The following MAEA variants were observed in gnomAD, a reference collection of about 807,000 sequenced individuals.
MAEA encodes E3 ubiquitin-protein transferase MAEA.
In MAEA, 22 loss-of-function variants were observed where a neutral mutation model predicts 46.2. The observed-to-expected ratio is 0.48, with a 90% confidence interval of 0.34 to 0.68. The LOEUF is 0.68. Ranked by LOEUF, MAEA falls within the 30% of genes least tolerant of loss-of-function variation. The probability of loss-of-function intolerance (pLI) is 0.01; values close to 1 mark genes in which losing one functional copy is unlikely to be tolerated. For synonymous variants in MAEA, 246 were observed against 222.6 expected, an observed-to-expected ratio of 1.11 and a Z score of -0.94; for missense variants, 393 against 558.1, an observed-to-expected ratio of 0.70 and a Z score of 2.98.
chr4:1,298,682 G>C (rs1046758456), intron 1 of MAEA, among the ~76,000 whole-genome samples: 1 of 152,032 alleles, frequency 6.6e-6, no homozygotes, highest in African/African-American at 2.4e-5. Context: ...GTTTCCCCCC[G>C]GGCTCAGTCC....
chr4:1,334,733 G>C, intron 6 of MAEA: 1 of 333,380 alleles, frequency 3.0e-6, no homozygotes, highest in Non-Finnish European at 4.3e-6. Flanking sequence ...GTTGCCATGG[G>C]TCAGGCAAGA....
At chr4:1,327,582 C>T in intron 4 of MAEA, 45 bp from the exon 5 acceptor site, 2 of 1,463,538 alleles carry the variant, frequency 1.4e-6, no homozygotes, top group Non-Finnish European at 1.9e-6. Context: ...CACCTGGGCT[C>T]TGTGGGATGT....
At chr4:1,296,392 G>A (rs66879211) in intron 1 of MAEA, among the ~76,000 whole-genome samples, 11 of 75,908 alleles carry the variant, frequency 1.4e-4, no homozygotes, top group Non-Finnish European at 2.6e-4. Context: ...CTGTGCAGCC[G>A]TCACCCATGC....
intron 4 of MAEA, among the ~76,000 whole-genome samples, chr4:1,325,713 C>T (rs371967310): frequency 5.3e-5 from 8 of 152,112 alleles, no homozygotes; most frequent in African/African-American, 1.9e-4. Context: ...TCCCGCTGGC[C>T]CTTCCCTTCC....
At chr4:1,329,533 C>T in intron 5 of MAEA, 1 of 985,174 alleles carries the variant, frequency 1.0e-6, no homozygotes, top group Non-Finnish European at 1.2e-6. Flanking sequence ...GCCGGGCAGG[C>T]ATGGCAAACA....
intron 1 of MAEA, among the ~76,000 whole-genome samples, chr4:1,292,601 C>T (rs1318677901): frequency 6.6e-5 from 10 of 152,120 alleles, no homozygotes; most frequent in African/African-American, 2.4e-4. Context: ...TAGCAGCATC[C>T]CTGGTGTCTG....
intron 1 of MAEA, among the ~76,000 whole-genome samples, chr4:1,294,246 T>G (rs1009433833): frequency 2.0e-5 from 3 of 152,360 alleles, no homozygotes; most frequent in Admixed American, 6.5e-5. Context: ...CACCGTTTGC[T>G]GGTGGTTTGG....
rs758018298 is a variant in MAEA at position 1,338,624 on chromosome 4, GGGGCA to G, written c.1095+16_1095+20del. 2 of 1,596,506 alleles carry G rather than the reference GGGGCA, an allele frequency of 1.3e-6. No individual in the cohort carries two copies. Among genetic ancestry groups the G allele is most frequent in the East Asian group, 2.3e-5 (1 of 43,750 alleles). On this transcript the variant is annotated splice_region_variant and intron_variant, in intron 8 of 8. Coordinates refer to ENST00000303400, the MANE Select transcript of MAEA (RefSeq NM_001017405.3). Reference sequence around the variant, plus strand: ...CTACGTCTACGGCTACAATGTGAGGGGGGCAGGGCAGGGGGGCCAGGCTGGCACGC... The same window carrying G: ...CTACGTCTACGGCTACAATGTGAGGGGGGCAGGGGGGCCAGGCTGGCACGC...
intron 4 of MAEA, chr4:1,323,673 C>T: frequency 5.7e-6 from 4 of 697,644 alleles, no homozygotes; most frequent in Non-Finnish European, 1.0e-5. Flanking sequence ...AGCCGGCACA[C>T]ACCTCACAGT....
chr4:1,316,165 C>T (rs979456586), intron 3 of MAEA, among the ~76,000 whole-genome samples: 10 of 152,112 alleles, frequency 6.6e-5, no homozygotes, highest in African/African-American at 1.7e-4. Context: ...TTATCTCAGG[C>T]GGGGTGCGTT....
intron 6 of MAEA, among the ~76,000 whole-genome samples, chr4:1,334,457 CAG>C: frequency 6.6e-6 from 1 of 152,188 alleles, no homozygotes. Context: ...CGAGGATCTT[CAG>C]GGGTGGGGTC....
intron 1 of MAEA, among the ~76,000 whole-genome samples, chr4:1,293,873 G>A (rs1270195448): frequency 2.0e-5 from 3 of 152,260 alleles, no homozygotes; most frequent in South Asian, 4.1e-4. Context: ...GTGGTAGGGA[G>A]TTCGGGTGCC....
intron 1 of MAEA, among the ~76,000 whole-genome samples, chr4:1,291,678 T>C (rs1734123807): frequency 6.6e-6 from 1 of 152,212 alleles, no homozygotes; most frequent in South Asian, 2.1e-4. Flanking sequence ...AAACACTAGA[T>C]AGGAAAAGTT....
intron 1 of MAEA, among the ~76,000 whole-genome samples, chr4:1,301,780 A>G (rs1281607719): frequency 1.3e-5 from 2 of 152,254 alleles, no homozygotes; most frequent in Admixed American, 1.3e-4. Flanking sequence ...TAGAAGGAAA[A>G]AAGTGTTAGG....
Position 1,311,786 on chromosome 4 carries a change from T to C in MAEA, c.70-193T>C, listed in dbSNP as rs998801168. The stretch of plus-strand genomic sequence containing the variant: ...TGGGGTTGCTTCTCATCCAGGGATG[T>C]GGAGTGGCTCTCCGTTCAGCAGGGC... On this transcript the variant is annotated intron_variant, in intron 1 of 8. Coordinates refer to ENST00000303400, the MANE Select transcript of MAEA (RefSeq NM_001017405.3). This position sits in a 1 kb window ranked among gnomAD's most constrained non-coding sequence, Gnocchi z 4.4. 6.6e-6 allele frequency among the ~76,000 whole-genome samples: 1 copy of C among 152,234 alleles called. No individual in the cohort carries two copies. The highest frequency in any genetic ancestry group is 2.4e-5 in the African/African-American group (1 of 41,464).
At chr4:1,332,705 A>G in intron 5 of MAEA, 52 bp from the exon 6 acceptor site, 1 of 1,449,388 alleles carries the variant, frequency 6.9e-7, no homozygotes, top group Non-Finnish European at 9.6e-7. Flanking sequence ...CCCTGTCTCT[A>G]AAAGTTAAAA....
chr4:1,336,809 C>T (rs1577247061), intron 6 of MAEA, 52 bp from the exon 7 acceptor site: 3 of 1,574,540 alleles, frequency 1.9e-6, no homozygotes, highest in Non-Finnish European at 2.6e-6. Context: ...TTAAGCTGTC[C>T]CAGGAGCTTC....
intron 5 of MAEA, chr4:1,330,326 T>TCTCTCTCTCTCTCTCTCTCTCTCTC (rs1553868493): frequency 2.9e-5 from 2 of 68,196 alleles, no homozygotes; most frequent in African/African-American, 1.9e-4. Flanking sequence ...CTCTCTCTCT[T>TCTCTCTCTCTCTCTCTCTCTCTCTC]TCCGTGTGTG....
chr4:1,307,275 A>G (rs1350873842), intron 1 of MAEA, among the ~76,000 whole-genome samples: 1 of 151,186 alleles, frequency 6.6e-6, no homozygotes, highest in African/African-American at 2.5e-5. Context: ...TGACCCTCTC[A>G]TCTTGCAAAC....
Sources: gnomAD v4.1 joint callset for allele counts (sites outside exome capture counted in the v4.1 genomes callset) on GRCh38, gnomAD v4.1.1 for gene constraint, Gnocchi (gnomAD v3.1) non-coding constraint, MANE v1.5 for transcripts, NCBI Gene and HGNC (gene_info 2026-07-23, HGNC 2026-07-21) for gene names.